Variants in BCL7C observed in about 807,000 individuals in gnomAD.
BCL7C encodes BAF chromatin remodeling complex subunit BCL7C.
A neutral mutation model predicts 26.2 loss-of-function variants in BCL7C; 8 were observed. That is an observed-to-expected ratio of 0.30 (90% CI 0.18 to 0.55). BCL7C has a LOEUF of 0.55. BCL7C is among the 20% of genes least tolerant of loss of function. The probability of loss-of-function intolerance (pLI) is 0.93; values close to 1 mark genes in which losing one functional copy is unlikely to be tolerated. For missense variants in BCL7C, 262 were observed against 298.5 expected (o/e 0.88, Z 0.90); for synonymous variants, 90 against 116.5 (o/e 0.77, Z 1.47).
At chr16:30,881,221 AC>A (rs1275656910) in intron 5 of BCL7C, among the ~76,000 whole-genome samples, 2 of 152,116 alleles carry the variant, frequency 1.3e-5, no homozygotes, top group South Asian at 4.1e-4. Context: ...ACATAGTGAA[AC>A]ACTGTCTCTA....
chr16:30,874,974 G>C (rs957559333), intron 5 of BCL7C, among the ~76,000 whole-genome samples: 2 of 152,236 alleles, frequency 1.3e-5, no homozygotes, highest in Admixed American at 6.5e-5. Flanking sequence ...CCACGCCTCT[G>C]CCGACTGCGG....
intron 5 of BCL7C, among the ~76,000 whole-genome samples, chr16:30,850,171 C>G (rs1188033585): frequency 7.0e-6 from 1 of 143,854 alleles, no homozygotes; most frequent in African/African-American, 2.6e-5. Context: ...GATCGCATCA[C>G]TGCACTCCAG....
chr16:30,886,155 T>A (rs567734529), downstream of BCL7C, among the ~76,000 whole-genome samples: 65 of 152,308 alleles, frequency 4.3e-4, no homozygotes, highest in Non-Finnish European at 7.4e-4. Flanking sequence ...TTTTTAATGC[T>A]TCTTTAAAGT....
chr16:30,854,165 AAG>A (rs1246592162), intron 5 of BCL7C, among the ~76,000 whole-genome samples: 1 of 152,192 alleles, frequency 6.6e-6, no homozygotes, highest in African/African-American at 2.4e-5. Flanking sequence ...GGTTGAAACA[AAG>A]AGGTGGTGTT....
At chr16:30,857,121 G>A (rs1189131845) in intron 5 of BCL7C, among the ~76,000 whole-genome samples, 1 of 152,126 alleles carries the variant, frequency 6.6e-6, no homozygotes, top group Non-Finnish European at 1.5e-5. Flanking sequence ...GGGCACGGTG[G>A]CTTATGCCTG....
At chr16:30,885,233 G>T (rs1343527204), downstream of BCL7C, among the ~76,000 whole-genome samples, 2 of 152,172 alleles carry the variant, frequency 1.3e-5, no homozygotes, top group Non-Finnish European at 2.9e-5. Context: ...AGTTAGAGAA[G>T]ATGTGACGAT....
At position 30,834,850 on chromosome 16, in the gene BCL7C, G is replaced by C. The variant is rs565995652; in HGVS notation, c.*98C>G. ...CCTCCGATGTTACCGCGGTGGGTGA[G>C]CTGGGAAGCTCTTTCCGCCCTCGGG... On this transcript the variant is annotated 3_prime_UTR_variant, in exon 6 of 6. Coordinates refer to the BCL7C transcript ENST00000380317. The surrounding 1 kb of genome is among the most constrained non-coding windows in gnomAD (Gnocchi z 4.3). 3 of 1,228,890 alleles carry C rather than the reference G, an allele frequency of 2.4e-6. No individual in the cohort carries two copies. The highest frequency in any genetic ancestry group is 3.2e-5 in the South Asian group (2 of 62,196). The allele number at this position is 1,228,890 out of a possible 1,614,324, so 76.1% of individuals were successfully genotyped here. A position where few individuals can be genotyped will look rare whatever the true frequency, so the allele number is the denominator to read the frequency against.
intron 5 of BCL7C, among the ~76,000 whole-genome samples, chr16:30,868,281 C>A (rs987170365): frequency 4.7e-5 from 7 of 149,942 alleles, no homozygotes; most frequent in African/African-American, 7.3e-5. Flanking sequence ...GCGTGTACCA[C>A]CCGACCCGGC....
intron 5 of BCL7C, among the ~76,000 whole-genome samples, chr16:30,859,279 T>C (rs530437255): frequency 6.6e-6 from 1 of 152,200 alleles, no homozygotes; most frequent in Non-Finnish European, 1.5e-5. Context: ...TGGGAATTTG[T>C]GCATCAAGTG....
intron 5 of BCL7C, among the ~76,000 whole-genome samples, chr16:30,842,068 A>AC (rs970874325): frequency 2.0e-5 from 3 of 147,976 alleles, no homozygotes; most frequent in African/African-American, 7.5e-5. Flanking sequence ...TCCCGTGTTC[A>AC]CCCCCCTTTG....
At position 30,849,372 on chromosome 16, in the gene BCL7C, A is replaced by G. The variant is rs568581591; in HGVS notation, c.529-14224T>C. The stretch of plus-strand genomic sequence containing the variant: ...GGATTGACCCCTTTATCATTATAAA[A>G]TGTCTTTTGTATCTAGTAACAATTT... On this transcript the variant is annotated intron_variant, in intron 5 of 5. Transcript: ENST00000380317. Among the ~76,000 whole-genome samples the G allele has an allele frequency of 2.3e-3, 343 of 152,006 alleles. 2 individuals carry two copies. Among genetic ancestry groups the G allele is most frequent in the African/African-American group, 7.8e-3 (323 of 41,448 alleles).
downstream of BCL7C, among the ~76,000 whole-genome samples, chr16:30,887,564 A>C (rs1469575628): frequency 6.6e-6 from 1 of 151,388 alleles, no homozygotes. Flanking sequence ...GAGCAGGAAG[A>C]GGGGTCCTGG....
chr16:30,862,031 T>C (rs559489572), intron 5 of BCL7C, among the ~76,000 whole-genome samples: 7 of 152,060 alleles, frequency 4.6e-5, no homozygotes, highest in African/African-American at 1.7e-4. Context: ...TTTGTATTTT[T>C]AGTAGCGACA....
At chr16:30,840,125 A>G (rs1309133113) in intron 5 of BCL7C, among the ~76,000 whole-genome samples, 1 of 151,414 alleles carries the variant, frequency 6.6e-6, no homozygotes, top group Non-Finnish European at 1.5e-5. Context: ...GTATGTCTAT[A>G]TATCTGTTTC....
intron 5 of BCL7C, among the ~76,000 whole-genome samples, chr16:30,843,205 G>A (rs2054613196): frequency 6.6e-6 from 1 of 152,200 alleles, no homozygotes. Context: ...CTCTTCTGTA[G>A]AATGAGAGAT....
chr16:30,885,802 A>G (rs146955406), downstream of BCL7C, among the ~76,000 whole-genome samples: 28 of 152,330 alleles, frequency 1.8e-4, no homozygotes, highest in African/African-American at 6.5e-4. Context: ...TTCCCTGGAC[A>G]GCACTGGCTC....
At chr16:30,877,134 C>T (rs901772239) in intron 5 of BCL7C, among the ~76,000 whole-genome samples, 2 of 152,130 alleles carry the variant, frequency 1.3e-5, no homozygotes, top group Non-Finnish European at 2.9e-5. Context: ...GACTGAAGGG[C>T]AGAGACTCCG....
At chr16:30,844,695 T>C (rs1345598992) in intron 5 of BCL7C, among the ~76,000 whole-genome samples, 2 of 152,188 alleles carry the variant, frequency 1.3e-5, no homozygotes, top group African/African-American at 4.8e-5. Context: ...ACTTAGGCCT[T>C]CCTGTCATAT....
intron 5 of BCL7C, among the ~76,000 whole-genome samples, chr16:30,877,534 G>A (rs559386747): frequency 9.2e-5 from 14 of 152,106 alleles, no homozygotes; most frequent in Middle Eastern, 3.4e-3. Flanking sequence ...CCGCCTCCTG[G>A]GTTCAGGCCA....
Sources: allele counts gnomAD v4.1 joint callset (sites outside exome capture counted in the v4.1 genomes callset), GRCh38; gene constraint gnomAD v4.1.1; non-coding constraint Gnocchi (gnomAD v3.1); transcripts MANE v1.5; gene names NCBI Gene and HGNC (gene_info 2026-07-23, HGNC 2026-07-21).